Variants in SEPTIN10 observed in about 807,000 individuals in gnomAD.
The protein encoded by SEPTIN10 is septin 10, also known as septin-10.
SEPTIN10 carries 66 observed loss-of-function variants against 54.8 expected under a neutral mutation model. That is an observed-to-expected ratio of 1.21 (90% CI 0.99 to 1.48). The LOEUF is 1.48. Among genes scored for constraint, SEPTIN10 ranks in the 40% most tolerant of loss-of-function variants. The pLI is 0.00. For synonymous variants in SEPTIN10, 161 were observed against 181.0 expected (o/e 0.89, Z 0.89); for missense variants, 620 against 545.6 (o/e 1.14, Z -1.36).
chr2:109,568,002 TCTTA>T, intron 5 of SEPTIN10, 26 bp from the exon 6 acceptor site: 1 of 1,534,900 alleles, frequency 6.5e-7, no homozygotes, highest in Non-Finnish European at 8.8e-7. Flanking sequence ...AAAAACAAAA[TCTTA>T]CTGAGGATTT....
At chr2:109,578,801 G>A (rs1313279114) in intron 4 of SEPTIN10, among the ~76,000 whole-genome samples, 3 of 151,964 alleles carry the variant, frequency 2.0e-5, no homozygotes, top group African/African-American at 7.2e-5. Context: ...TACTGAAATT[G>A]AAAATACTAT....
chr2:109,564,574 T>C (rs1352261016), intron 7 of SEPTIN10, 40 bp from the exon 8 acceptor site: 8 of 1,443,734 alleles, frequency 5.5e-6, no homozygotes, highest in Non-Finnish European at 7.4e-6. Flanking sequence ...CACTGGATTT[T>C]AATTCCTGGC....
intron 8 of SEPTIN10, 76 bp downstream of exon 8, chr2:109,564,290 A>G: frequency 1.5e-6 from 2 of 1,290,928 alleles, no homozygotes; most frequent in South Asian, 5.1e-5. Flanking sequence ...CACATGCCCC[A>G]TCATCCTGGA....
intron 8 of SEPTIN10, among the ~76,000 whole-genome samples, chr2:109,554,422 C>G (rs1002411988): frequency 6.6e-6 from 1 of 152,188 alleles, no homozygotes; most frequent in African/African-American, 2.4e-5. Context: ...CCTGCTTACT[C>G]CAGTTCAGGG....
intron 2 of SEPTIN10, among the ~76,000 whole-genome samples, chr2:109,589,447 G>A (rs781526704): frequency 3.9e-5 from 6 of 152,050 alleles, no homozygotes; most frequent in East Asian, 1.9e-4. Flanking sequence ...CATGAGAACC[G>A]CTTGAACCTG....
intron 2 of SEPTIN10, among the ~76,000 whole-genome samples, chr2:109,592,388 C>G (rs748132932): frequency 2.0e-5 from 3 of 152,038 alleles, no homozygotes; most frequent in Non-Finnish European, 2.9e-5. Context: ...TTGCTTGAAC[C>G]CGGGAGGCAG....
intron 1 of SEPTIN10, among the ~76,000 whole-genome samples, chr2:109,609,385 C>T (rs569894413): frequency 5.9e-5 from 9 of 151,588 alleles, no homozygotes; most frequent in South Asian, 4.2e-4. Flanking sequence ...TAATTAAGGA[C>T]GAAAAAAATG....
chr2:109,551,460 T>C (rs72938241), intron 9 of SEPTIN10, among the ~76,000 whole-genome samples: 9,813 of 152,198 alleles, frequency 0.064, 749 homozygotes, highest in East Asian at 0.24. Flanking sequence ...TGTGATTGCA[T>C]CCTGGTTCAA....
Position 109,564,396 on chromosome 2 carries a change from G to A in SEPTIN10, c.998C>T (p.Thr333Ile), listed in dbSNP as rs1274134608. 1 of 1,587,722 alleles carries A rather than the reference G, an allele frequency of 6.3e-7. No individual in the cohort carries two copies. Among genetic ancestry groups the A allele is most frequent in the Non-Finnish European group, 8.6e-7 (1 of 1,164,150 alleles). ...RRCKLEEMGF[T>I]DVGPENKPVS... is the part of the protein sequence containing the mutation. ...TGGCTTGTTTTCTGGGCCCACATCTGTAAAGCCCATTTCCTCCAGTTTGCA... is the reference window on the plus strand; with the variant it reads ...TGGCTTGTTTTCTGGGCCCACATCTATAAAGCCCATTTCCTCCAGTTTGCA... Residue 333 changes from threonine to isoleucine, a missense_variant, in exon 8 of 11, where the codon ACA becomes ATA. Transcript: ENST00000397712.
intron 1 of SEPTIN10, among the ~76,000 whole-genome samples, chr2:109,604,161 CAA>C (rs34166921): frequency 1.0e-4 from 6 of 58,676 alleles, no homozygotes; most frequent in Admixed American, 2.0e-4. Context: ...GACTCTGCCT[CAA>C]AAAAAAAAAA....
chr2:109,545,224 G>C (rs1395893765), intron 10 of SEPTIN10: 3 of 985,276 alleles, frequency 3.0e-6, no homozygotes, highest in Non-Finnish European at 3.6e-6. Context: ...ATTCTGAATA[G>C]AACAAGGCAT....
At chr2:109,595,222 A>G (rs1276095190) in intron 1 of SEPTIN10, among the ~76,000 whole-genome samples, 3 of 152,182 alleles carry the variant, frequency 2.0e-5, no homozygotes, top group Non-Finnish European at 4.4e-5. Flanking sequence ...TTCCAACACA[A>G]AATGACACTT....
intron 4 of SEPTIN10, among the ~76,000 whole-genome samples, chr2:109,579,691 AT>A (rs1690634177): frequency 6.6e-6 from 1 of 151,146 alleles, no homozygotes; most frequent in South Asian, 2.1e-4. Flanking sequence ...CCAGGCCCTG[AT>A]TTTCATTGGT....
chr2:109,585,172 T>G lies in SEPTIN10; in HGVS notation c.367A>C (p.Ile123Leu). 1 of 1,609,024 alleles carries G rather than the reference T, an allele frequency of 6.2e-7. No homozygotes were observed. Residue 123 changes from isoleucine (I) to leucine (L), a missense_variant, in exon 4 of 11, where the codon ATT (isoleucine) becomes CTT (leucine). Ile to Leu is a conservative substitution (Grantham distance 5, BLOSUM62 2). Transcript: ENST00000397712. ...QESNVQLKLT[I>L]VNTVGFGDQI... ...TCACCAAATCCCACTGTATTCACAA[T>G]GGTCAATTTCAATTGAACATTACTT...
chr2:109,575,344 T>C (rs1335500003), intron 4 of SEPTIN10, among the ~76,000 whole-genome samples: 2 of 152,236 alleles, frequency 1.3e-5, no homozygotes, highest in African/African-American at 2.4e-5. Flanking sequence ...CTTTGCCTCT[T>C]AGATTTATAA....
At chr2:109,594,335 G>A (rs916860882) in intron 1 of SEPTIN10, among the ~76,000 whole-genome samples, 4 of 152,098 alleles carry the variant, frequency 2.6e-5, no homozygotes, top group Non-Finnish European at 5.9e-5. Context: ...TCCCACTCTT[G>A]ATTCTCTAAT....
At position 109,586,195 on chromosome 2, in the gene SEPTIN10, T is replaced by C. The variant is rs572746278; in HGVS notation, c.100-357A>G. On this transcript the variant is annotated intron_variant, in intron 2 of 10. Transcript: ENST00000397712. ...AACTTAGAAAATTCTTACATTAAAA[T>C]GTCAAGTGAAAAAAAAGCACAAAAC... is the stretch of plus-strand genomic sequence containing the variant. Among the ~76,000 whole-genome samples, 10 of 152,298 alleles carry C rather than the reference T, an allele frequency of 6.6e-5. No individual in the cohort carries two copies. In the East Asian group the frequency reaches 1.9e-3, roughly 29 times the overall value.
chr2:109,569,695 G>A (rs1054651007), intron 5 of SEPTIN10, among the ~76,000 whole-genome samples: 2 of 151,980 alleles, frequency 1.3e-5, no homozygotes, highest in Non-Finnish European at 1.5e-5. Flanking sequence ...TATATACTTA[G>A]GTATTCAACA....
intron 1 of SEPTIN10, among the ~76,000 whole-genome samples, chr2:109,610,679 G>A (rs1295684053): frequency 1.3e-5 from 2 of 151,990 alleles, no homozygotes; most frequent in African/African-American, 4.8e-5. Flanking sequence ...TCATGCTATT[G>A]AACTCCAGCC....
Sources: gnomAD v4.1 joint callset for allele counts (sites outside exome capture counted in the v4.1 genomes callset) on GRCh38, gnomAD v4.1.1 for gene constraint, MANE v1.5 for transcripts, NCBI Gene and HGNC (gene_info 2026-07-23, HGNC 2026-07-21) for gene names.